The following DLGAP1 variants were observed in gnomAD, a reference collection of about 807,000 sequenced individuals.
DLGAP1 encodes disks large-associated protein 1.
A neutral mutation model predicts 90.8 loss-of-function variants in DLGAP1; 11 were observed. That is an observed-to-expected ratio of 0.12 (90% confidence interval 0.08 to 0.20). The LOEUF is 0.20. Among genes scored for constraint, DLGAP1 ranks in the 10% least tolerant of loss-of-function variants. The probability of loss-of-function intolerance (pLI) is 1.00; values close to 1 mark genes in which losing one functional copy is unlikely to be tolerated. For missense variants in DLGAP1, 1,050 were observed against 1,333.8 expected, an observed-to-expected ratio of 0.79 and a Z score of 3.31; for synonymous variants, 558 against 540.7, an observed-to-expected ratio of 1.03 and a Z score of -0.44.
chr18:4,107,380 G>A (rs1292593594), intron 2 of DLGAP1, among the ~76,000 whole-genome samples: 1 of 152,150 alleles, frequency 6.6e-6, no homozygotes, highest in Admixed American at 6.5e-5. Flanking sequence ...CAGGAAGCCC[G>A]TGCGATCGAT....
intron 1 of DLGAP1, among the ~76,000 whole-genome samples, chr18:4,401,777 A>G (rs2082560176): frequency 6.6e-6 from 1 of 152,164 alleles, no homozygotes; most frequent in Admixed American, 6.5e-5. Context: ...AATGTTATCT[A>G]TGTTTGAAAA....
chr18:4,335,423 T>C (rs1015990318), intron 1 of DLGAP1, among the ~76,000 whole-genome samples: 10 of 151,972 alleles, frequency 6.6e-5, no homozygotes, highest in Admixed American at 3.9e-4. Context: ...GTAATAAAAA[T>C]TGGTGAATAC....
chr18:4,326,004 T>C (rs1443661522), intron 1 of DLGAP1, among the ~76,000 whole-genome samples: 3 of 152,150 alleles, frequency 2.0e-5, no homozygotes, highest in South Asian at 2.1e-4. Flanking sequence ...AAACAAAAAT[T>C]GATAAATGGG....
rs575666046 is a variant in DLGAP1, at chr18:3,768,448, T to A, written c.1173-25936A>T. On this transcript the variant is annotated intron_variant, in intron 5 of 12. Transcript: ENST00000315677. ...AGATTTTTGTAGATATAGACAAGAT[T>A]TTTTAAAAATTTGTATGGAAAGTCA... Among the ~76,000 whole-genome samples, 28 of 152,244 alleles carry A rather than the reference T, an allele frequency of 1.8e-4. No individual in the cohort carries two copies. In the East Asian group the frequency reaches 5.4e-3, roughly 29 times the overall value.
At chr18:4,232,739 T>C (rs1825655645) in intron 1 of DLGAP1, among the ~76,000 whole-genome samples, 1 of 152,180 alleles carries the variant, frequency 6.6e-6, no homozygotes, top group Non-Finnish European at 1.5e-5. Context: ...AAAAATGCAC[T>C]AGCTCCTCTC....
At chr18:4,108,583 TTTTA>T (rs2075912553) in intron 2 of DLGAP1, among the ~76,000 whole-genome samples, 1 of 130,910 alleles carries the variant, frequency 7.6e-6, no homozygotes, top group South Asian at 2.5e-4. Flanking sequence ...TATTTGAAAA[TTTTA>T]TTTATTAGCA....
chr18:3,669,566 G>A (rs569955151), intron 7 of DLGAP1, among the ~76,000 whole-genome samples: 1 of 152,344 alleles, frequency 6.6e-6, no homozygotes, highest in Non-Finnish European at 1.5e-5. Context: ...CACATCGATA[G>A]ACTCCCGCAC....
chr18:3,612,547 A>C (rs2057686034), intron 7 of DLGAP1, among the ~76,000 whole-genome samples: 1 of 152,180 alleles, frequency 6.6e-6, no homozygotes, highest in Non-Finnish European at 1.5e-5. Flanking sequence ...TGGCAACCAG[A>C]TGTCTCCAGT....
At chr18:3,625,729 A>G (rs1267979098) in intron 7 of DLGAP1, among the ~76,000 whole-genome samples, 2 of 152,172 alleles carry the variant, frequency 1.3e-5, no homozygotes, top group Non-Finnish European at 2.9e-5. Flanking sequence ...GCATTTGTAA[A>G]ACAGAAAAAA....
intron 7 of DLGAP1, chr18:3,721,845 C>G (rs1475851794): frequency 2.0e-5 from 3 of 151,996 alleles, no homozygotes; most frequent in Non-Finnish European, 1.5e-5. Flanking sequence ...CTCTCTAAGT[C>G]TTACATTTTT....
chr18:3,807,325 C>T (rs1324923850), intron 5 of DLGAP1, among the ~76,000 whole-genome samples: 1 of 152,180 alleles, frequency 6.6e-6, no homozygotes, highest in Non-Finnish European at 1.5e-5. Context: ...CTCATCACTG[C>T]AGTCTTAGTA....
intron 4 of DLGAP1, among the ~76,000 whole-genome samples, chr18:3,854,983 T>C (rs2069550001): frequency 6.6e-6 from 1 of 152,158 alleles, no homozygotes; most frequent in African/African-American, 2.4e-5. Context: ...CAAAGTCCTG[T>C]TCTTAAAGAA....
At chr18:3,863,416 T>C (rs1468359489) in intron 4 of DLGAP1, among the ~76,000 whole-genome samples, 1 of 152,202 alleles carries the variant, frequency 6.6e-6, no homozygotes, top group Non-Finnish European at 1.5e-5. Context: ...CATCCCAATC[T>C]AATAGCTACA....
Position 3,520,141 on chromosome 18 carries a change from C to A in DLGAP1, c.2480-11480G>T, listed in dbSNP as rs193189763. Among the ~76,000 whole-genome samples, 7 of 152,194 alleles carry A rather than the reference C, an allele frequency of 4.6e-5. No homozygotes were observed. The East Asian group carries it at 1.4e-3, about 29-fold the overall frequency. On this transcript the variant is annotated intron_variant, in intron 10 of 12. Transcript: ENST00000315677. ...ATGTTCTGTGTCTCTTAATACTCTT[C>A]CCCCACCAATTCCCTAAACCTTTCT...
chr18:3,911,310 AT>A (rs2072028778), intron 3 of DLGAP1, among the ~76,000 whole-genome samples: 1 of 152,260 alleles, frequency 6.6e-6, no homozygotes, highest in South Asian at 2.1e-4. Context: ...TTTTGCATAA[AT>A]TATCTCAAAT....
chr18:4,026,654 T>G (rs1444365382), intron 2 of DLGAP1, among the ~76,000 whole-genome samples: 1 of 152,218 alleles, frequency 6.6e-6, no homozygotes, highest in Non-Finnish European at 1.5e-5. Flanking sequence ...TCATAATCTG[T>G]GAAGTAGAAA....
intron 7 of DLGAP1, among the ~76,000 whole-genome samples, chr18:3,623,156 C>T (rs973359922): frequency 5.9e-5 from 9 of 152,086 alleles, no homozygotes; most frequent in African/African-American, 2.2e-4. Flanking sequence ...TGTGTGCTGC[C>T]TCTCTGTGTC....
At chr18:4,437,401 A>G (rs3913843) in intron 1 of DLGAP1, among the ~76,000 whole-genome samples, 25,643 of 152,180 alleles carry the variant, frequency 0.17, 2,471 homozygotes, top group South Asian at 0.32. Context: ...CCTCCTGTAG[A>G]TACCAAAACT....
At chr18:3,924,045 C>G (rs114192609) in intron 3 of DLGAP1, among the ~76,000 whole-genome samples, 1 of 152,202 alleles carries the variant, frequency 6.6e-6, no homozygotes, top group African/African-American at 2.4e-5. Context: ...AGACATGGAA[C>G]CTTCACATCT....
Sources: allele counts gnomAD v4.1 joint callset (sites outside exome capture counted in the v4.1 genomes callset), GRCh38; gene constraint gnomAD v4.1.1; transcripts MANE v1.5; gene names NCBI Gene and HGNC (gene_info 2026-07-23, HGNC 2026-07-21).